The following ZBTB20 variants were observed in gnomAD, a reference collection of about 807,000 sequenced individuals.
ZBTB20 encodes zinc finger and BTB domain-containing protein 20.
ZBTB20 carries 9 observed loss-of-function variants against 56.9 expected under a neutral mutation model. That is an observed-to-expected ratio of 0.16 (90% CI 0.10 to 0.28). ZBTB20 has a LOEUF of 0.28. Among genes scored for constraint, ZBTB20 ranks in the 10% least tolerant of loss-of-function variants. The pLI is 1.00. For synonymous variants in ZBTB20, 417 were observed against 420.7 expected, an observed-to-expected ratio of 0.99 and a Z score of 0.11; for missense variants, 655 against 1,003.0, an observed-to-expected ratio of 0.65 and a Z score of 4.69.
At chr3:114,350,035 A>C (rs953474663) in intron 11 of ZBTB20, among the ~76,000 whole-genome samples, 4 of 151,988 alleles carry the variant, frequency 2.6e-5, no homozygotes, top group Non-Finnish European at 5.9e-5. Flanking sequence ...TGCAGTCTGG[A>C]CATCCCTAGG....
intron 3 of ZBTB20, among the ~76,000 whole-genome samples, chr3:114,924,393 C>A (rs1017921905): frequency 2.6e-5 from 4 of 152,000 alleles, no homozygotes; most frequent in Non-Finnish European, 5.9e-5. Context: ...TAAAAATAAT[C>A]AAACCTGTCA....
At chr3:114,490,251 T>C (rs540393899) in intron 7 of ZBTB20, among the ~76,000 whole-genome samples, 1 of 152,316 alleles carries the variant, frequency 6.6e-6, no homozygotes, top group South Asian at 2.1e-4. Flanking sequence ...AGATGGAGTC[T>C]CACACTGTCG....
chr3:114,422,774 T>C (rs1319192382), intron 7 of ZBTB20, among the ~76,000 whole-genome samples: 1 of 152,180 alleles, frequency 6.6e-6, no homozygotes, highest in East Asian at 1.9e-4. Context: ...CCTCAATTTT[T>C]CCATTTCTCA....
intron 5 of ZBTB20, among the ~76,000 whole-genome samples, chr3:114,761,329 T>C (rs1037661272): frequency 3.9e-5 from 6 of 152,148 alleles, no homozygotes; most frequent in South Asian, 2.1e-4. Flanking sequence ...ACTTTACATA[T>C]AGTATCTCAT....
At chr3:115,146,986 G>T (rs893087066) in intron 1 of ZBTB20, among the ~76,000 whole-genome samples, 6 of 149,972 alleles carry the variant, frequency 4.0e-5, no homozygotes, top group Non-Finnish European at 6.0e-5. Context: ...GGGGGAGGGG[G>T]CGCGGGCGGG....
intron 4 of ZBTB20, among the ~76,000 whole-genome samples, chr3:114,888,580 C>A (rs2076692351): frequency 6.6e-6 from 1 of 151,822 alleles, no homozygotes; most frequent in African/African-American, 2.4e-5. Flanking sequence ...GTAAATATAC[C>A]TATTTTTCAT....
At chr3:114,823,142 T>G (rs777358492) in intron 4 of ZBTB20, among the ~76,000 whole-genome samples, 65 of 152,112 alleles carry the variant, frequency 4.3e-4, no homozygotes, top group Non-Finnish European at 6.6e-4. Context: ...TCCTGAAATA[T>G]GTTCACATCC....
chr3:114,976,940 C>A (rs1418090557), intron 2 of ZBTB20, among the ~76,000 whole-genome samples: 3 of 151,886 alleles, frequency 2.0e-5, no homozygotes, highest in African/African-American at 7.3e-5. Flanking sequence ...GAAAAAGTCA[C>A]CATCTTTCGT....
intron 6 of ZBTB20, among the ~76,000 whole-genome samples, chr3:114,636,930 A>AAACAAC (rs59308502): frequency 1.3e-5 from 2 of 151,682 alleles, no homozygotes; most frequent in African/African-American, 2.4e-5. Flanking sequence ...CAACAACAAA[A>AAACAAC]AACAACAACA....
intron 6 of ZBTB20, among the ~76,000 whole-genome samples, chr3:114,563,815 G>A (rs1237024194): frequency 2.0e-5 from 3 of 152,078 alleles, no homozygotes; most frequent in Non-Finnish European, 4.4e-5. Context: ...GTTAATAAAG[G>A]CTTATTATTT....
At chr3:115,088,902 C>T (rs2083088213) in intron 1 of ZBTB20, among the ~76,000 whole-genome samples, 1 of 151,808 alleles carries the variant, frequency 6.6e-6, no homozygotes, top group Non-Finnish European at 1.5e-5. Flanking sequence ...TTGGAATTTT[C>T]CTTCAAATAA....
chr3:114,847,765 T>G (rs558955529), intron 4 of ZBTB20, among the ~76,000 whole-genome samples: 2 of 152,276 alleles, frequency 1.3e-5, no homozygotes, highest in Non-Finnish European at 2.9e-5. Flanking sequence ...ACTTGTGCAA[T>G]AACACAGTAA....
chr3:114,555,837 A>G (rs2051148683), intron 6 of ZBTB20, among the ~76,000 whole-genome samples: 1 of 152,106 alleles, frequency 6.6e-6, no homozygotes, highest in Non-Finnish European at 1.5e-5. Context: ...AATAAAGTCT[A>G]GGTTGGGAAG....
intron 6 of ZBTB20, among the ~76,000 whole-genome samples, chr3:114,540,986 C>T (rs2049044736): frequency 6.6e-6 from 1 of 151,936 alleles, no homozygotes; most frequent in Admixed American, 6.6e-5. Context: ...GGACTTTTTC[C>T]TGAGATTCTT....
At position 114,986,190 on chromosome 3, in the gene ZBTB20, A is replaced by G. The variant is rs2078533105; in HGVS notation, c.-506-11774T>C. Among the ~76,000 whole-genome samples the G allele has an allele frequency of 2.0e-5, 3 of 152,092 alleles. No individual in the cohort carries two copies. The South Asian group carries it at 6.2e-4, about 32-fold the overall frequency. ...TGGGGGGGTTGGAAAAGATTACGGG[A>G]AAACTGAACCCCTCAGGTCACTCTT... On this transcript the variant is annotated intron_variant, in intron 2 of 11. Transcript: ENST00000675478.
At chr3:114,413,004 G>C (rs527909692) in intron 7 of ZBTB20, among the ~76,000 whole-genome samples, 1 of 152,088 alleles carries the variant, frequency 6.6e-6, no homozygotes, top group Non-Finnish European at 1.5e-5. Flanking sequence ...AGAGCATAGA[G>C]TGTAATTTTG....
At chr3:114,615,202 C>T (rs2057847906) in intron 6 of ZBTB20, among the ~76,000 whole-genome samples, 1 of 152,158 alleles carries the variant, frequency 6.6e-6, no homozygotes, top group Non-Finnish European at 1.5e-5. Flanking sequence ...TAAAGTATCA[C>T]TTAATAAATA....
At chr3:114,658,781 T>G (rs1015349727) in intron 6 of ZBTB20, 1 of 152,226 alleles carries the variant, frequency 6.6e-6, no homozygotes, top group Admixed American at 6.5e-5. Context: ...GATCTCAGTT[T>G]CAAATTCATT....
chr3:114,568,249 G>A (rs560443787), intron 6 of ZBTB20, among the ~76,000 whole-genome samples: 30 of 152,230 alleles, frequency 2.0e-4, no homozygotes, highest in African/African-American at 5.3e-4. Context: ...TGAAGTATGC[G>A]CAAGAAAATC....
Sources: gnomAD v4.1 joint callset for allele counts (sites outside exome capture counted in the v4.1 genomes callset) on GRCh38, gnomAD v4.1.1 for gene constraint, MANE v1.5 for transcripts, NCBI Gene and HGNC (gene_info 2026-07-23, HGNC 2026-07-21) for gene names.